Variants in MUC5B observed in about 807,000 individuals in gnomAD.
MUC5B encodes the protein mucin 5B, oligomeric mucus/gel-forming.
MUC5B carries 116 observed loss-of-function variants against 376.9 expected under a neutral mutation model. The observed-to-expected ratio is 0.31, with a 90% CI of 0.26 to 0.36. The LOEUF is 0.36. Among genes scored for constraint, MUC5B ranks in the 10% least tolerant of loss-of-function variants. The probability of loss-of-function intolerance (pLI) is 1.00; values close to 1 mark genes in which losing one functional copy is unlikely to be tolerated. For synonymous variants in MUC5B, 3,517 were observed against 3,390.9 expected, an observed-to-expected ratio of 1.04 and a Z score of -1.29; for missense variants, 7,165 against 7,769.9, an observed-to-expected ratio of 0.92 and a Z score of 2.93.
chr11:1,224,832 C>T (rs1488026439), intron 1 of MUC5B, among the ~76,000 whole-genome samples: 1 of 152,170 alleles, frequency 6.6e-6, no homozygotes, highest in Non-Finnish European at 1.5e-5. Flanking sequence ...GGGCCGGCCC[C>T]TCGCTGAGCC....
At chr11:1,236,041 C>T (rs192994135) in intron 23 of MUC5B, among the ~76,000 whole-genome samples, 92 of 152,290 alleles carry the variant, frequency 6.0e-4, no homozygotes, top group African/African-American at 2.1e-3. Flanking sequence ...CTGCAGATGG[C>T]GGGAGGGGCT....
chr11:1,257,545 G>T lies in MUC5B; in HGVS notation c.16285G>T (p.Val5429Phe). Residue 5429 changes from valine (V) to phenylalanine (F), a missense_variant, in exon 41 of 49, where the codon GTC becomes TTC. Physicochemically the swap from Val to Phe is conservative, Grantham distance 50. Around this residue, in one of 31 missense-constraint regions of MUC5B, gnomAD observed 842 missense variants for 1,016.9 expected, o/e 0.83. Coordinates refer to ENST00000529681, the MANE Select transcript of MUC5B (RefSeq NM_002458.3). This position sits in a 1 kb window ranked among gnomAD's most constrained non-coding sequence, Gnocchi z 8.9. ...GFPKFPGERW[V>F]SNCQSCVCDE... ...TCCATTCCAGCCCGGGGAGCGGTGG[G>T]TCAGCAACTGCCAGTCCTGCGTGTG... 1 of 1,608,422 alleles carries T rather than the reference G, an allele frequency of 6.2e-7. No homozygotes were observed. Among genetic ancestry groups the T allele is most frequent in the Non-Finnish European group, 8.5e-7 (1 of 1,179,592 alleles).
At chr11:1,239,196 T>C in intron 26 of MUC5B, 169 bp downstream of exon 26, 1 of 964,956 alleles carries the variant, frequency 1.0e-6, no homozygotes, top group East Asian at 2.6e-5. Context: ...GGAAGACCTG[T>C]GCAAAACCAC....
At chr11:1,232,240 C>T (rs1564933449) in intron 15 of MUC5B, 80 bp downstream of exon 15, 1 of 1,469,708 alleles carries the variant, frequency 6.8e-7, no homozygotes, top group Non-Finnish European at 9.1e-7. Context: ...GCCACGGGGA[C>T]CCCTGGGTGG....
chr11:1,224,082 G>C (rs191979724), intron 1 of MUC5B, among the ~76,000 whole-genome samples: 47 of 152,350 alleles, frequency 3.1e-4, no homozygotes, highest in African/African-American at 1.0e-3. Flanking sequence ...TGGCTGCAAG[G>C]TTTGGGGGCT....
intron 9 of MUC5B, 56 bp downstream of exon 9, chr11:1,229,351 C>T (rs1426434031): frequency 3.4e-6 from 5 of 1,474,020 alleles, no homozygotes; most frequent in Non-Finnish European, 4.5e-6. Context: ...TGCTCCCAAC[C>T]CCGCCCCCAG....
intron 25 of MUC5B, 89 bp from the exon 26 acceptor site, chr11:1,238,782 G>A: frequency 2.1e-6 from 3 of 1,398,176 alleles, no homozygotes; most frequent in Non-Finnish European, 2.9e-6. Flanking sequence ...TTGAAATACA[G>A]ATGGTTCCAG....
chr11:1,238,000 T>C (rs1413971039), intron 25 of MUC5B, among the ~76,000 whole-genome samples: 2 of 152,168 alleles, frequency 1.3e-5, no homozygotes, highest in Non-Finnish European at 2.9e-5. Flanking sequence ...GCAGTGGGCA[T>C]ACTCGCTCGT....
chr11:1,236,589 C>G, intron 24 of MUC5B, 27 bp downstream of exon 24: 1 of 1,596,940 alleles, frequency 6.3e-7, no homozygotes, highest in African/African-American at 1.3e-5. Context: ...CACTCCTAGG[C>G]CCTGCAGGAC....
Position 1,229,796 on chromosome 11 carries a change from C to T in MUC5B, c.1209C>T (p.Thr403=). The T allele has an allele frequency of 6.3e-7, 1 of 1,599,358 alleles. No homozygotes were observed. The highest frequency in any genetic ancestry group is 8.5e-7 in the Non-Finnish European group (1 of 1,174,358). The change falls in exon 10 of 49, where the codon ACC becomes ACT. Residue 403 remains threonine, a synonymous_variant. Coordinates refer to ENST00000529681, the MANE Select transcript of MUC5B (RefSeq NM_002458.3). ...TYSPGTSFNT[T]CSSCTCSGGL... ...GCCCGGGCACCTCCTTCAACACCAC[C>T]TGCAGCTCCTGGTACTTATGAGCCC...
chr11:1,246,407 C>G lies in MUC5B; in HGVS notation c.9527C>G (p.Pro3176Arg), dbSNP rs761719860. 1.6e-5 allele frequency: 26 copies of G among 1,613,454 alleles called. No homozygotes were observed. In the Admixed American group the frequency reaches 3.5e-4, roughly 22 times the overall value. ...EPSTTATVTV[P>R]TGSTATASST... ...AGCACTACAGCCACCGTGACGGTGC[C>G]CACCGGATCCACGGCCACCGCCTCC... The change falls in exon 31 of 49, where the codon CCC becomes CGC. Residue 3176 changes from proline to arginine, a missense_variant. Pro to Arg is a moderately radical substitution (Grantham distance 103, BLOSUM62 -2). Transcript: ENST00000529681.
At position 1,232,165 on chromosome 11, in the gene MUC5B, T is replaced by C; in HGVS notation, c.1843+5T>C. The C allele has an allele frequency of 6.3e-7, 1 of 1,589,700 alleles. No individual in the cohort carries two copies. The highest frequency in any genetic ancestry group is 1.2e-5 in the South Asian group (1 of 86,918). On this transcript the variant is annotated splice_donor_5th_base_variant and intron_variant, in intron 15 of 48. Transcript: ENST00000529681. ...GCTCCCTCAGTGTGGAGAATGGTAC[T>C]CCTCGCCCCCACCCCCACAGTCACC... is the stretch of plus-strand genomic sequence containing the variant.
chr11:1,237,573 A>G (rs2014486), intron 25 of MUC5B, among the ~76,000 whole-genome samples: 79,529 of 152,152 alleles, frequency 0.52, 20,980 homozygotes, highest in East Asian at 0.66. Flanking sequence ...AGAGACTTCC[A>G]AAAAGCAGTT....
chr11:1,227,978 C>T (rs147623221), intron 7 of MUC5B, among the ~76,000 whole-genome samples, 197 bp downstream of exon 7: 98 of 152,332 alleles, frequency 6.4e-4, no homozygotes, highest in African/African-American at 1.1e-3. Flanking sequence ...CATCAGGCCA[C>T]GCGTGTGCCC....
At chr11:1,229,358 C>T in intron 9 of MUC5B, 63 bp downstream of exon 9, 1 of 1,460,858 alleles carries the variant, frequency 6.8e-7, no homozygotes, top group Non-Finnish European at 9.1e-7. Flanking sequence ...AACCCCGCCC[C>T]CAGCCTCATC....
In MUC5B at chr11:1,260,195, G is replaced by A. The variant is rs1452374071; in HGVS notation, c.16923+110G>A. 2.7e-5 allele frequency: 39 copies of A among 1,452,462 alleles called. No individual in the cohort carries two copies. The East Asian group carries it at 9.3e-4, about 35-fold the overall frequency. 90.0% of individuals were successfully genotyped at this position (1,452,462 alleles called of 1,614,324 possible). ...GGGAGGCCCCACCCCTGCTGGGGAG[G>A]CCCCACCCCTGCCTGGGAAGCCCCA... On this transcript the variant is annotated intron_variant, in intron 46 of 48. Transcript: ENST00000529681.
At chr11:1,239,106 C>T in intron 26 of MUC5B, 79 bp downstream of exon 26, 1 of 1,504,092 alleles carries the variant, frequency 6.6e-7, no homozygotes, top group Non-Finnish European at 9.0e-7. Flanking sequence ...TCCGAAGGTG[C>T]ATTGACCTGG....
intron 25 of MUC5B, among the ~76,000 whole-genome samples, chr11:1,238,179 C>T (rs943780579): frequency 5.8e-4 from 89 of 152,254 alleles, no homozygotes; most frequent in African/African-American, 2.0e-3. Context: ...ATGGTCAGGA[C>T]GCATTCACAG....
rs563936822 is a variant in MUC5B at position 1,245,916 on chromosome 11, G to A, written c.9036G>A (p.Pro3012=). ...CAACCACTGGATCCACGGCCATCCC[G>A]TCCTCCACCCCGGGAACAGCTCCCC... ...TTATTGSTAI[P]SSTPGTAPPP... The change falls in exon 31 of 49, where the codon CCG becomes CCA. Residue 3012 remains proline (P), a synonymous_variant. Transcript: ENST00000529681. The A allele has an allele frequency of 9.4e-4, 1,515 of 1,612,252 alleles. 10 individuals carry two copies. Among genetic ancestry groups the A allele is most frequent in the East Asian group, 3.6e-4 (16 of 44,730 alleles).
Sources: allele counts gnomAD v4.1 joint callset (sites outside exome capture counted in the v4.1 genomes callset), GRCh38; gene constraint gnomAD v4.1.1; regional missense constraint gnomAD v4.1.1; non-coding constraint Gnocchi (gnomAD v3.1); transcripts MANE v1.5; gene names NCBI Gene and HGNC (gene_info 2026-07-23, HGNC 2026-07-21).